The following PFKFB1 variants were observed in gnomAD, a reference collection of about 807,000 sequenced individuals.
The protein encoded by PFKFB1 is 6-phosphofructo-2-kinase/fructose-2,6-bisphosphatase 1.
In PFKFB1, 34 loss-of-function variants were observed where a neutral mutation model predicts 46.4. That is an observed-to-expected ratio of 0.73 (90% CI 0.56 to 0.98). The LOEUF is 0.98. Among genes scored for constraint, PFKFB1 ranks in the 50% least tolerant of loss-of-function variants. PFKFB1 has a pLI of 0.00. For missense variants in PFKFB1, 393 were observed against 376.3 expected (o/e 1.04, Z -0.37); for synonymous variants, 119 against 133.8 (o/e 0.89, Z 0.76).
At chrX:54,974,331 A>G (rs1201168950) in intron 1 of PFKFB1, among the ~76,000 whole-genome samples, 1 of 111,841 alleles carries the variant, frequency 8.9e-6, no homozygotes, top group Non-Finnish European at 1.9e-5. Context: ...TTAACAAAGC[A>G]TGCAATAACA....
chrX:54,991,543 G>C (rs200164861), intron 1 of PFKFB1, among the ~76,000 whole-genome samples: 6 of 99,849 alleles, frequency 6.0e-5, no homozygotes, highest in East Asian at 6.3e-4. Flanking sequence ...CTCTCTCTGT[G>C]TGTGTGTGTG....
At chrX:54,975,931 A>T (rs2146667428) in intron 1 of PFKFB1, among the ~76,000 whole-genome samples, 1 of 111,661 alleles carries the variant, frequency 9.0e-6, no homozygotes, top group East Asian at 2.8e-4. Context: ...ACCTTACCCA[A>T]AAAATAATTC....
At chrX:54,992,928 C>T (rs992289052) in intron 1 of PFKFB1, among the ~76,000 whole-genome samples, 8 of 111,600 alleles carry the variant, frequency 7.2e-5, no homozygotes, top group Non-Finnish European at 9.4e-5. Flanking sequence ...CACCCTACCT[C>T]CTGTATATTA....
In PFKFB1 at chrX:54,951,946, G is replaced by A. The variant is rs762959184; in HGVS notation, c.805C>T (p.Arg269Cys). The change falls in exon 8 of 14, where the codon CGC becomes TGC. Residue 269 changes from arginine (R) to cysteine (C), a missense_variant. Transcript: ENST00000375006. ...GAGAGGCCAGAGTCACCTCCGATGC[G>A]GCCTCTGATGTTGAGTTCACTCTCG... is the stretch of plus-strand genomic sequence containing the variant. ...HGESELNIRG[R>C]IGGDSGLSVR... 4.2e-5 allele frequency: 51 copies of A among 1,206,671 alleles called. No individual in the cohort carries two copies. The highest frequency in any genetic ancestry group is 5.3e-5 in the Non-Finnish European group (47 of 893,174).
chrX:54,946,687 C>A (rs1006902208), intron 9 of PFKFB1, among the ~76,000 whole-genome samples: 1 of 111,976 alleles, frequency 8.9e-6, no homozygotes, highest in Non-Finnish European at 1.9e-5. Context: ...AGGAGCCTGT[C>A]GCCTATGGAA....
chrX:54,967,318 C>T (rs933604555), intron 1 of PFKFB1, among the ~76,000 whole-genome samples: 1 of 111,882 alleles, frequency 8.9e-6, no homozygotes, highest in African/African-American at 3.2e-5. Flanking sequence ...TGAACAATAA[C>T]AAGCGATTTT....
At chrX:54,965,620 G>A (rs911104821) in intron 1 of PFKFB1, among the ~76,000 whole-genome samples, 1 of 111,511 alleles carries the variant, frequency 9.0e-6, no homozygotes, top group African/African-American at 3.2e-5. Flanking sequence ...ATAATTAAAG[G>A]AAGAGTGTTG....
At chrX:54,977,437 T>C (rs12171770) in intron 1 of PFKFB1, among the ~76,000 whole-genome samples, 1,949 of 110,292 alleles carry the variant, frequency 0.018, 25 homozygotes, top group African/African-American at 0.061. Flanking sequence ...AATAAATAAA[T>C]AAATAAATAA....
chrX:54,945,062 C>G (rs1933759687), intron 10 of PFKFB1, among the ~76,000 whole-genome samples: 1 of 111,818 alleles, frequency 8.9e-6, no homozygotes, highest in Admixed American at 9.5e-5. Context: ...GGGACAATGC[C>G]AACTGCCCAG....
intron 1 of PFKFB1, among the ~76,000 whole-genome samples, chrX:54,990,304 T>C (rs750621273): frequency 1.8e-5 from 2 of 110,838 alleles, no homozygotes; most frequent in Non-Finnish European, 3.8e-5. Context: ...ATAAATAATA[T>C]TATAATGAAA....
Position 54,933,195 on chromosome X carries a change from G to T in PFKFB1, c.*208C>A. The T allele has an allele frequency of 4.6e-6, 2 of 432,740 alleles. No homozygotes were observed. Among genetic ancestry groups the T allele is most frequent in the Non-Finnish European group, 8.1e-6 (2 of 247,540 alleles). 35.7% of individuals were successfully genotyped at this position (432,740 alleles called of 1,213,427 possible). ...GTAAGTCTTTATTCGTCAGAGAATA[G>T]GAATTAAGAAAGAAAGTTTCCTCCA... On this transcript the variant is annotated 3_prime_UTR_variant, in exon 14 of 14. Coordinates refer to ENST00000375006, the MANE Select transcript of PFKFB1 (RefSeq NM_002625.4).
chrX:54,954,339 C>G (rs897027038), intron 7 of PFKFB1, among the ~76,000 whole-genome samples: 4 of 110,217 alleles, frequency 3.6e-5, no homozygotes, highest in African/African-American at 1.3e-4. Flanking sequence ...CATGGGAAAC[C>G]CTATCTCTAA....
chrX:54,946,129 C>T (rs1364496424), intron 9 of PFKFB1, among the ~76,000 whole-genome samples: 1 of 110,516 alleles, frequency 9.0e-6, no homozygotes, highest in African/African-American at 3.3e-5. Flanking sequence ...TGTATATGTC[C>T]CTCATTATGT....
rs183683446 is a variant in PFKFB1 at position 54,940,845 on chromosome X, C to A, written c.1099-3121G>T. Among the ~76,000 whole-genome samples the A allele has an allele frequency of 2.2e-3, 242 of 111,556 alleles. No individual in the cohort carries two copies. In the Middle Eastern group the frequency reaches 0.05, roughly 23 times the overall value. On this transcript the variant is annotated intron_variant, in intron 10 of 13. Coordinates refer to ENST00000375006, the MANE Select transcript of PFKFB1 (RefSeq NM_002625.4). The stretch of plus-strand genomic sequence containing the variant: ...GGTAATTTATAGATTCAATGCCATC[C>A]CCATCAAGCTACCAATGCCTTTCTT...
upstream of PFKFB1, among the ~76,000 whole-genome samples, chrX:54,995,784 C>G (rs1935348204): frequency 8.9e-6 from 1 of 112,497 alleles, no homozygotes. Context: ...AATGATCAGA[C>G]ACCTCCTTGA....
In PFKFB1 at chrX:54,945,463, A is replaced by C; in HGVS notation, c.1074T>G (p.Tyr358Ter). The change falls in exon 10 of 14, where the codon TAT (tyrosine) becomes TAG (stop). Residue 358 changes from tyrosine (Y) to a stop codon, truncating the protein, a stop_gained. Transcript: ENST00000375006. LOFTEE classifies it high-confidence loss of function. The part of the protein sequence containing the change: ...EEFALRDQDK[Y>*]RYRYPKGESY... ...CCTCTCCCTTGGGATAGCGGTAGCG[A>C]TATTTATCTTGGTCTCGCAGTGCAA... 1 of 1,199,431 alleles carries C rather than the reference A, an allele frequency of 8.3e-7. No homozygotes were observed. The highest frequency in any genetic ancestry group is 1.7e-5 in the African/African-American group (1 of 57,641).
chrX:54,957,173 C>T (rs1934173802), intron 6 of PFKFB1, among the ~76,000 whole-genome samples: 1 of 111,948 alleles, frequency 8.9e-6, no homozygotes, highest in Non-Finnish European at 1.9e-5. Context: ...ATTTAAGCTA[C>T]TTATAGTTCT....
intron 10 of PFKFB1, among the ~76,000 whole-genome samples, chrX:54,943,481 G>T (rs1450553009): frequency 1.8e-5 from 2 of 112,566 alleles, no homozygotes; most frequent in Non-Finnish European, 3.8e-5. Context: ...GCTGGGCGTG[G>T]TGGCTCACGC....
At chrX:54,996,862 T>C (rs1602235221), upstream of PFKFB1, among the ~76,000 whole-genome samples, 1 of 111,782 alleles carries the variant, frequency 8.9e-6, no homozygotes. Context: ...CAAGGTCTGG[T>C]TTGATGTTCA....
Sources: allele counts gnomAD v4.1 joint callset (sites outside exome capture counted in the v4.1 genomes callset), GRCh38; gene constraint gnomAD v4.1.1; transcripts MANE v1.5; gene names NCBI Gene and HGNC (gene_info 2026-07-23, HGNC 2026-07-21).